Variants in ERBIN observed in about 807,000 individuals in gnomAD.
ERBIN encodes erbb2 interacting protein.
A neutral mutation model predicts 158.4 loss-of-function variants in ERBIN; 60 were observed. That is an observed-to-expected ratio of 0.38 (90% CI 0.31 to 0.47). The LOEUF is 0.47. ERBIN is among the 20% of genes least tolerant of loss of function. ERBIN has a pLI of 0.99. For synonymous variants in ERBIN, 594 were observed against 557.2 expected, an observed-to-expected ratio of 1.07 and a Z score of -0.93; for missense variants, 1,610 against 1,648.0, an observed-to-expected ratio of 0.98 and a Z score of 0.40.
At chr5:65,983,159 T>C (rs1750833539) in intron 1 of ERBIN, among the ~76,000 whole-genome samples, 1 of 152,322 alleles carries the variant, frequency 6.6e-6, no homozygotes, top group Admixed American at 6.5e-5. Flanking sequence ...CTAACTATAG[T>C]TTGATATAAA....
At chr5:66,018,480 T>TATTA in intron 7 of ERBIN, among the ~76,000 whole-genome samples, 1 of 5,502 alleles carries the variant, frequency 1.8e-4, no homozygotes, top group Non-Finnish European at 3.3e-4. Flanking sequence ...ATATTATATA[T>TATTA]TATATATTAT....
chr5:65,934,511 G>C (rs1743842755), intron 1 of ERBIN, among the ~76,000 whole-genome samples: 1 of 151,838 alleles, frequency 6.6e-6, no homozygotes, highest in Non-Finnish European at 1.5e-5. Context: ...TTTCATTTGT[G>C]TGATATTTTT....
intron 1 of ERBIN, among the ~76,000 whole-genome samples, chr5:65,942,189 G>A (rs1156522567): frequency 6.6e-6 from 1 of 152,150 alleles, no homozygotes; most frequent in Non-Finnish European, 1.5e-5. Context: ...TAGTACAACA[G>A]GAAGCTGTTA....
At chr5:65,947,984 TG>T (rs1745990307) in intron 1 of ERBIN, among the ~76,000 whole-genome samples, 1 of 143,358 alleles carries the variant, frequency 7.0e-6, no homozygotes, top group South Asian at 2.2e-4. Flanking sequence ...CACTCCAGCC[TG>T]GGCAACAAGA....
At position 66,054,052 on chromosome 5, in the gene ERBIN, A is replaced by G. The variant is rs1279313427; in HGVS notation, c.2734A>G (p.Arg912Gly). 3.1e-6 allele frequency: 5 copies of G among 1,614,084 alleles called. No homozygotes were observed. The highest frequency in any genetic ancestry group is 1.7e-5 in the Admixed American group (1 of 60,000). The change falls in exon 21 of 26, where the codon AGG becomes GGG. Residue 912 changes from arginine to glycine, a missense_variant. Arg to Gly is a moderately radical substitution (Grantham distance 125, BLOSUM62 -2). Around this residue, in one of 2 missense-constraint regions of ERBIN, gnomAD observed 1,014 missense variants for 936.1 expected, o/e 1.08. Transcript: ENST00000284037. Reference sequence around the variant, plus strand: ...TGCTGTTGATGGAAAAAATATAGTCAGGAGCAAGTCTGCCACACTGTTGTA... The same window carrying G: ...TGCTGTTGATGGAAAAAATATAGTCGGGAGCAAGTCTGCCACACTGTTGTA... ...TSAVDGKNIV[R>G]SKSATLLYDQ...
chr5:65,935,205 A>T (rs1484765167), intron 1 of ERBIN, among the ~76,000 whole-genome samples: 1 of 152,102 alleles, frequency 6.6e-6, no homozygotes, highest in Non-Finnish European at 1.5e-5. Context: ...CAGGGGTTTT[A>T]TTGGGGTACT....
rs146335893 is a variant in ERBIN, at chr5:65,981,664, A to G, written c.-57-6971A>G. ...ATTTTTAAACAACAAAAAAAAAACAATTGTTTTAGGTATCTGTTTCTGTGT... is the reference window on the plus strand; with the variant it reads ...ATTTTTAAACAACAAAAAAAAAACAGTTGTTTTAGGTATCTGTTTCTGTGT... On this transcript the variant is annotated intron_variant, in intron 1 of 25. Coordinates refer to ENST00000284037, the MANE Select transcript of ERBIN (RefSeq NM_001253697.2). 1.9e-3 allele frequency among the ~76,000 whole-genome samples: 293 copies of G among 152,328 alleles called. 1 individual carries two copies. The highest frequency in any genetic ancestry group is 3.4e-3 in the Middle Eastern group (1 of 294).
intron 8 of ERBIN, 138 bp from the exon 9 acceptor site, chr5:66,023,152 T>C (rs1440662383): frequency 1.6e-6 from 1 of 639,532 alleles, no homozygotes; most frequent in Non-Finnish European, 2.7e-6. Flanking sequence ...TTCTTTTTTA[T>C]TTTTCCTTCT....
intron 1 of ERBIN, among the ~76,000 whole-genome samples, chr5:65,981,372 T>C (rs1034325315): frequency 6.6e-6 from 1 of 151,886 alleles, no homozygotes; most frequent in Non-Finnish European, 1.5e-5. Context: ...GAAAAAGAAA[T>C]TCAGAATAAG....
At chr5:65,939,359 C>T (rs914341110) in intron 1 of ERBIN, among the ~76,000 whole-genome samples, 1 of 152,150 alleles carries the variant, frequency 6.6e-6, no homozygotes, top group African/African-American at 2.4e-5. Context: ...ATTGCTTGAA[C>T]CCGGGGGGCA....
rs531258959 is a variant in ERBIN, at chr5:66,075,231, G to A, written c.3963+1G>A. The A allele has an allele frequency of 6.2e-7, 1 of 1,612,312 alleles. No individual in the cohort carries two copies. The highest frequency in any genetic ancestry group is 1.1e-5 in the South Asian group (1 of 91,042). Reference sequence around the variant, plus strand: ...AGGCCATGAACTGGCAAAACAAGAGGTAAGAATAATCAAGACTATTTGAAA... The same window carrying A: ...AGGCCATGAACTGGCAAAACAAGAGATAAGAATAATCAAGACTATTTGAAA... On this transcript the variant is annotated splice_donor_variant, in intron 23 of 25. Coordinates refer to ENST00000284037, the MANE Select transcript of ERBIN (RefSeq NM_001253697.2). LOFTEE classifies it high-confidence loss of function.
At chr5:65,934,457 T>C (rs954274056) in intron 1 of ERBIN, among the ~76,000 whole-genome samples, 2 of 152,200 alleles carry the variant, frequency 1.3e-5, no homozygotes, top group African/African-American at 4.8e-5. Context: ...CTTTTGAAGA[T>C]CTGAAGATGA....
chr5:65,985,194 A>G (rs1413678262), intron 1 of ERBIN, among the ~76,000 whole-genome samples: 2 of 152,214 alleles, frequency 1.3e-5, no homozygotes, highest in Non-Finnish European at 2.9e-5. Flanking sequence ...CCCAGGTTCA[A>G]GCAATTCTCT....
chr5:65,964,260 A>G (rs2150965749), intron 1 of ERBIN, among the ~76,000 whole-genome samples: 1 of 152,360 alleles, frequency 6.6e-6, no homozygotes, highest in East Asian at 1.9e-4. Flanking sequence ...CAGCTACTTC[A>G]TAATTGAACG....
chr5:66,025,577 C>G, intron 11 of ERBIN, 25 bp downstream of exon 11: 5 of 1,530,136 alleles, frequency 3.3e-6, no homozygotes, highest in Non-Finnish European at 3.6e-6. Context: ...AATGTATACA[C>G]CCTCGAAGAT....
chr5:66,082,436 A>G lies in ERBIN; in HGVS notation c.*3906A>G, dbSNP rs1207034168. On this transcript the variant is annotated 3_prime_UTR_variant, in exon 26 of 26. Coordinates refer to ENST00000284037, the MANE Select transcript of ERBIN (RefSeq NM_001253697.2). The stretch of plus-strand genomic sequence containing the variant: ...AGCTTCTCAATCGGCCCACGGTTTT[A>G]TTTCAGGATAAAATTTGAGAAACTA... 2.6e-5 allele frequency: 4 copies of G among 152,212 alleles called. No individual in the cohort carries two copies. The highest frequency in any genetic ancestry group is 9.7e-5 in the African/African-American group (4 of 41,450). 9.4% of individuals were successfully genotyped at this position (152,212 alleles called of 1,614,324 possible). A position where few individuals can be genotyped will look rare whatever the true frequency, so the allele number is the denominator to read the frequency against.
chr5:65,952,436 T>G (rs536400924), intron 1 of ERBIN, among the ~76,000 whole-genome samples: 2 of 148,108 alleles, frequency 1.4e-5, no homozygotes, highest in African/African-American at 2.7e-5. Context: ...CATGGTGCAT[T>G]GCAGCCTCAA....
At chr5:65,961,901 C>A (rs572993392) in intron 1 of ERBIN, among the ~76,000 whole-genome samples, 1 of 152,034 alleles carries the variant, frequency 6.6e-6, no homozygotes, top group Admixed American at 6.6e-5. Context: ...TAATGAGGTG[C>A]CTTACATAGT....
chr5:66,037,840 A>G (rs146750801), intron 14 of ERBIN, among the ~76,000 whole-genome samples: 14 of 152,304 alleles, frequency 9.2e-5, no homozygotes, highest in Non-Finnish European at 1.5e-4. Flanking sequence ...GGGGGACTCC[A>G]CCACCGAGTG....
Sources: gnomAD v4.1 joint callset for allele counts (sites outside exome capture counted in the v4.1 genomes callset) on GRCh38, gnomAD v4.1.1 for gene constraint, gnomAD v4.1.1 regional missense constraint, MANE v1.5 for transcripts, NCBI Gene and HGNC (gene_info 2026-07-23, HGNC 2026-07-21) for gene names.